The following ANO6 variants were observed in gnomAD, a reference collection of about 807,000 sequenced individuals.
The protein encoded by ANO6 is anoctamin-6.
A neutral mutation model predicts 117.5 loss-of-function variants in ANO6; 106 were observed. The observed-to-expected ratio is 0.90, with a 90% CI of 0.77 to 1.06. The LOEUF (loss-of-function observed/expected upper bound fraction) is 1.06. ANO6 is among the 50% of genes least tolerant of loss of function. ANO6 has a pLI of 0.00. For missense variants in ANO6, 955 were observed against 1,121.1 expected, an observed-to-expected ratio of 0.85 and a Z score of 2.12; for synonymous variants, 367 against 385.1, an observed-to-expected ratio of 0.95 and a Z score of 0.55.
chr12:45,347,316 A>G (rs1941161682), intron 4 of ANO6: 1 of 479,470 alleles, frequency 2.1e-6, no homozygotes, highest in East Asian at 3.1e-5. Flanking sequence ...GAATGCATGT[A>G]TGAATGATTA....
rs1941263953 is a variant in ANO6 at position 45,350,906 on chromosome 12, C to T, written c.863+132C>T. On this transcript the variant is annotated intron_variant, in intron 7 of 19. Coordinates refer to ENST00000320560, the MANE Select transcript of ANO6 (RefSeq NM_001025356.3). The stretch of plus-strand genomic sequence containing the variant: ...ACCCAGAGTGCTGAGCTTCGTTGGC[C>T]AGGGTTTTTATTGAGGCTTAATTAT... The T allele has an allele frequency of 4.0e-6, 3 of 745,160 alleles. No homozygotes were observed. The Admixed American group carries it at 6.3e-5, about 16-fold the overall frequency. 46.2% of individuals were successfully genotyped at this position (745,160 alleles called of 1,614,324 possible).
rs142419328 is a variant in ANO6, at chr12:45,423,601, G to T, written c.2526+539G>T. 2.6e-4 allele frequency among the ~76,000 whole-genome samples: 40 copies of T among 152,292 alleles called. No homozygotes were observed. In the East Asian group the frequency reaches 7.7e-3, roughly 29 times the overall value. On this transcript the variant is annotated intron_variant, in intron 19 of 19. Transcript: ENST00000320560. ...GCAAGAAACAGAAAATGCAGTCTAT[G>T]GTGGCTTAAATAAGGTTGATTCCCC...
intron 9 of ANO6, among the ~76,000 whole-genome samples, chr12:45,372,083 A>C (rs1366530132): frequency 7.0e-6 from 1 of 142,820 alleles, no homozygotes; most frequent in Non-Finnish European, 1.5e-5. Context: ...TCAGGAGCTG[A>C]TGCGATCAAC....
At chr12:45,361,722 C>G (rs550207353) in intron 8 of ANO6, among the ~76,000 whole-genome samples, 32 of 152,106 alleles carry the variant, frequency 2.1e-4, no homozygotes, top group Admixed American at 1.3e-3. Flanking sequence ...TTGCCAGATG[C>G]TCTTTCTGTG....
chr12:45,385,574 G>A (rs1942276622), intron 10 of ANO6, among the ~76,000 whole-genome samples: 1 of 151,996 alleles, frequency 6.6e-6, no homozygotes, highest in South Asian at 2.1e-4. Context: ...GTCTCTTTGG[G>A]GAGTATCTGC....
At chr12:45,299,264 G>A (rs1301276620) in intron 1 of ANO6, among the ~76,000 whole-genome samples, 3 of 152,180 alleles carry the variant, frequency 2.0e-5, no homozygotes, top group Non-Finnish European at 4.4e-5. Flanking sequence ...AACCAGTTTA[G>A]TATGTTACAA....
rs1304925266 is a variant in ANO6, at chr12:45,321,676, A to T, written c.151-9619A>T. Among the ~76,000 whole-genome samples, 3 of 152,126 alleles carry T rather than the reference A, an allele frequency of 2.0e-5. No individual in the cohort carries two copies. In the East Asian group the frequency reaches 5.8e-4, roughly 29 times the overall value. On this transcript the variant is annotated intron_variant, in intron 2 of 19. Coordinates refer to ENST00000320560, the MANE Select transcript of ANO6 (RefSeq NM_001025356.3). ...TTCATTTTCGAGAAAGTATCTGCTA[A>T]ATACTCGTCTGTGTAACCAAGTTTT...
Position 45,357,308 on chromosome 12 carries a change from GA to G in ANO6, c.883del (p.Ile295LeufsTer21). ...DLIRKYYGEK[I>X]GIYFAWLGYY... is the part of the protein sequence containing the mutation. ...TCTTCAGGAAATACTATGGAGAGAAGATTGGAATCTACTTTGCTTGGCTGGG... is the reference window on the plus strand; with the variant it reads ...TCTTCAGGAAATACTATGGAGAGAAGTTGGAATCTACTTTGCTTGGCTGGG... On this transcript the variant is annotated frameshift_variant, in exon 8 of 20. Transcript: ENST00000320560. LOFTEE classifies it high-confidence loss of function. 1.9e-6 allele frequency: 3 copies of G among 1,613,914 alleles called. No homozygotes were observed. The highest frequency in any genetic ancestry group is 2.5e-6 in the Non-Finnish European group (3 of 1,179,962).
chr12:45,232,749 T>C (rs1947591605), intron 1 of ANO6, among the ~76,000 whole-genome samples: 1 of 152,218 alleles, frequency 6.6e-6, no homozygotes, highest in Non-Finnish European at 1.5e-5. Flanking sequence ...GTGGTTCCAG[T>C]GCCCCTTTGT....
intron 18 of ANO6, among the ~76,000 whole-genome samples, chr12:45,422,578 T>A (rs1159585489): frequency 6.9e-6 from 1 of 145,818 alleles, no homozygotes; most frequent in Non-Finnish European, 1.5e-5. Flanking sequence ...AAATATGACT[T>A]TTTTTTTTTT....
intron 1 of ANO6, among the ~76,000 whole-genome samples, chr12:45,279,426 G>A (rs1034234441): frequency 2.0e-5 from 3 of 152,132 alleles, no homozygotes; most frequent in African/African-American, 4.8e-5. Flanking sequence ...ATTGGTTTAT[G>A]TTCTGGTAGT....
intron 1 of ANO6, among the ~76,000 whole-genome samples, chr12:45,217,315 C>T (rs947205015): frequency 2.0e-5 from 3 of 152,180 alleles, no homozygotes; most frequent in African/African-American, 7.2e-5. Flanking sequence ...TCGGCTTAGT[C>T]TCCTGGATGC....
chr12:45,342,894 G>A (rs1462225530), intron 3 of ANO6, among the ~76,000 whole-genome samples: 1 of 152,120 alleles, frequency 6.6e-6, no homozygotes, highest in Non-Finnish European at 1.5e-5. Flanking sequence ...GAGAAAAATG[G>A]GAGGTATTGC....
intron 1 of ANO6, among the ~76,000 whole-genome samples, chr12:45,272,816 A>C (rs1163132206): frequency 2.6e-5 from 4 of 152,250 alleles, no homozygotes; most frequent in African/African-American, 9.6e-5. Flanking sequence ...ATATACCCAA[A>C]GGGAATGATC....
At chr12:45,406,752 G>A (rs1942945211) in intron 15 of ANO6, among the ~76,000 whole-genome samples, 1 of 152,222 alleles carries the variant, frequency 6.6e-6, no homozygotes, top group African/African-American at 2.4e-5. Context: ...ACATAAAATA[G>A]ATTCAGATAG....
intron 1 of ANO6, among the ~76,000 whole-genome samples, chr12:45,254,436 T>C (rs2137195181): frequency 6.6e-6 from 1 of 152,252 alleles, no homozygotes. Flanking sequence ...GTGAAGGTAA[T>C]TTTTCAGAAC....
intron 1 of ANO6, among the ~76,000 whole-genome samples, chr12:45,222,351 G>C (rs1325434467): frequency 6.6e-6 from 1 of 152,088 alleles, no homozygotes; most frequent in Admixed American, 6.6e-5. Context: ...AATAGAAATG[G>C]GGTTTCGCCA....
chr12:45,402,648 C>G (rs768207030), intron 13 of ANO6, among the ~76,000 whole-genome samples: 4 of 152,214 alleles, frequency 2.6e-5, no homozygotes, highest in South Asian at 2.1e-4. Flanking sequence ...CCAAATGCCT[C>G]TAGCAAGTTG....
chr12:45,365,820 C>T (rs1227491537), intron 8 of ANO6, among the ~76,000 whole-genome samples: 2 of 152,152 alleles, frequency 1.3e-5, no homozygotes, highest in African/African-American at 2.4e-5. Context: ...CAAGCACTTG[C>T]TCCTCAGATG....
Sources: gnomAD v4.1 joint callset for allele counts (sites outside exome capture counted in the v4.1 genomes callset) on GRCh38, gnomAD v4.1.1 for gene constraint, MANE v1.5 for transcripts, NCBI Gene and HGNC (gene_info 2026-07-23, HGNC 2026-07-21) for gene names.